Variants in RPH3A observed in about 807,000 individuals in gnomAD.
RPH3A encodes the protein rabphilin-3A.
A neutral mutation model predicts 102.2 loss-of-function variants in RPH3A; 48 were observed. That is an observed-to-expected ratio of 0.47 (90% confidence interval 0.37 to 0.60). The LOEUF is 0.60. Ranked by LOEUF, RPH3A falls within the 20% of genes least tolerant of loss-of-function variation. The probability of loss-of-function intolerance (pLI) is 0.00; values close to 1 mark genes in which losing one functional copy is unlikely to be tolerated. For synonymous variants in RPH3A, 310 were observed against 324.3 expected (o/e 0.96, Z 0.47); for missense variants, 781 against 910.1 (o/e 0.86, Z 1.83).
At chr12:112,758,698 T>C (rs1293949661) in intron 1 of RPH3A, among the ~76,000 whole-genome samples, 2 of 152,242 alleles carry the variant, frequency 1.3e-5, no homozygotes, top group Non-Finnish European at 2.9e-5. Flanking sequence ...AACCTAGTTC[T>C]GCTGAGCTCC....
chr12:112,735,758 C>G (rs116404815), intron 1 of RPH3A, among the ~76,000 whole-genome samples: 18 of 152,150 alleles, frequency 1.2e-4, no homozygotes, highest in East Asian at 1.9e-4. Flanking sequence ...CCACCTCCCC[C>G]CAAGCCTTTC....
chr12:112,766,134 A>AGC lies in RPH3A; in HGVS notation c.-139-26008_-139-26007dup, dbSNP rs2040887039. ...AGAGGCAGATCATCTAGAAGATGAGAGCCCAAAGTTGGACTCAGATTGCCT... is the reference window on the plus strand; with the variant it reads ...AGAGGCAGATCATCTAGAAGATGAGAGCGCCCAAAGTTGGACTCAGATTGCCT... On this transcript the variant is annotated intron_variant, in intron 1 of 21. Transcript: ENST00000543106. 3.9e-5 allele frequency among the ~76,000 whole-genome samples: 6 copies of AGC among 152,292 alleles called. No individual in the cohort carries two copies. In the South Asian group the frequency reaches 1.2e-3, roughly 32 times the overall value.
chr12:112,706,674 A>T (rs1385010839), intron 1 of RPH3A, among the ~76,000 whole-genome samples: 1 of 152,210 alleles, frequency 6.6e-6, no homozygotes, highest in African/African-American at 2.4e-5. Context: ...CTCACTCAAG[A>T]TTCTTGTTTG....
intron 1 of RPH3A, among the ~76,000 whole-genome samples, chr12:112,637,187 T>A (rs910951785): frequency 1.3e-5 from 2 of 152,186 alleles, no homozygotes; most frequent in African/African-American, 4.8e-5. Flanking sequence ...ATATGTTTAC[T>A]GCTTATGTGA....
Position 112,641,584 on chromosome 12 carries a change from A to G in RPH3A, c.-140+66265A>G, listed in dbSNP as rs528084393. 9.9e-5 allele frequency among the ~76,000 whole-genome samples: 15 copies of G among 152,234 alleles called. No homozygotes were observed. In the East Asian group the frequency reaches 2.9e-3, roughly 29 times the overall value. ...GCTAATTTTTGTATTTTTAGTAGAG[A>G]CAGGGTTTCATCATGTTGGTCAGGT... On this transcript the variant is annotated intron_variant, in intron 1 of 21. Transcript: ENST00000543106.
intron 1 of RPH3A, among the ~76,000 whole-genome samples, chr12:112,679,949 G>A (rs1201526437): frequency 6.6e-6 from 1 of 152,248 alleles, no homozygotes; most frequent in Non-Finnish European, 1.5e-5. Flanking sequence ...CTTTGGACAG[G>A]GCTGTCAGGG....
intron 1 of RPH3A, among the ~76,000 whole-genome samples, chr12:112,656,583 C>T (rs575215593): frequency 7.9e-5 from 12 of 152,288 alleles, no homozygotes; most frequent in African/African-American, 2.9e-4. Flanking sequence ...ACTCTTCCCC[C>T]TTTTGGAGTC....
At chr12:112,577,128 G>A (rs1288327106) in intron 1 of RPH3A, among the ~76,000 whole-genome samples, 1 of 152,026 alleles carries the variant, frequency 6.6e-6, no homozygotes, top group South Asian at 2.1e-4. Flanking sequence ...AAAAAAATTC[G>A]GGGCGAGTAC....
intron 1 of RPH3A, among the ~76,000 whole-genome samples, chr12:112,771,230 A>G (rs555580155): frequency 6.6e-6 from 1 of 152,338 alleles, no homozygotes; most frequent in African/African-American, 2.4e-5. Context: ...TAAATTTTTT[A>G]ATTATGGAAA....
chr12:112,663,107 C>CGAGA (rs113192025), intron 1 of RPH3A, among the ~76,000 whole-genome samples: 4 of 129,788 alleles, frequency 3.1e-5, no homozygotes, highest in African/African-American at 1.3e-4. Context: ...AGAGAGAGAG[C>CGAGA]GAGAGAGAGA....
intron 18 of RPH3A, 82 bp downstream of exon 18, chr12:112,890,162 G>T (rs2043069265): frequency 2.4e-6 from 3 of 1,265,106 alleles, no homozygotes; most frequent in Non-Finnish European, 3.4e-6. Flanking sequence ...TCCCTCCCTG[G>T]CCCCTTCCTC....
At chr12:112,662,063 A>C (rs1257948338) in intron 1 of RPH3A, among the ~76,000 whole-genome samples, 1 of 152,138 alleles carries the variant, frequency 6.6e-6, no homozygotes, top group African/African-American at 2.4e-5. Context: ...GGGAGGACAA[A>C]ATGCTGAAAG....
chr12:112,755,189 C>A (rs2040813787), intron 1 of RPH3A, among the ~76,000 whole-genome samples: 1 of 152,038 alleles, frequency 6.6e-6, no homozygotes, highest in Non-Finnish European at 1.5e-5. Flanking sequence ...ACCTTTTATT[C>A]ATCTAGTTCT....
At chr12:112,710,995 G>A (rs2040457110) in intron 1 of RPH3A, among the ~76,000 whole-genome samples, 1 of 152,048 alleles carries the variant, frequency 6.6e-6, no homozygotes, top group Non-Finnish European at 1.5e-5. Flanking sequence ...AGCTTAGAAT[G>A]TTATCTCCAG....
At chr12:112,628,789 AG>A (rs1194669488) in intron 1 of RPH3A, among the ~76,000 whole-genome samples, 1 of 151,860 alleles carries the variant, frequency 6.6e-6, no homozygotes, top group Non-Finnish European at 1.5e-5. Flanking sequence ...GAGGTTTTAG[AG>A]AAGAGGAGCG....
At chr12:112,781,398 G>A (rs1381726964) in intron 1 of RPH3A, among the ~76,000 whole-genome samples, 3 of 152,056 alleles carry the variant, frequency 2.0e-5, no homozygotes, top group East Asian at 1.9e-4. Flanking sequence ...ACGTGGCTGC[G>A]ACTTTAGAAC....
rs1334628770 is a variant in RPH3A at position 112,890,984 on chromosome 12, T to A, written c.1756T>A (p.Ser586Thr). 2 of 1,614,024 alleles carry A rather than the reference T, an allele frequency of 1.2e-6. No homozygotes were observed. Among genetic ancestry groups the A allele is most frequent in the Non-Finnish European group, 1.7e-6 (2 of 1,180,018 alleles). Residue 586 changes from serine (S) to threonine (T), a missense_variant, in exon 19 of 22, where the codon TCA becomes ACA. Coordinates refer to ENST00000389385, the MANE Select transcript of RPH3A (RefSeq NM_001143854.2). ...GGCTGCCATGGACGCTAATGGCTAC[T>A]CAGACCCATTCGTCAAGCTGTAAGT... ...HLAAMDANGYSDPFVKLWLKP... is the reference protein window; with the variant it reads ...HLAAMDANGYTDPFVKLWLKP...
chr12:112,646,390 A>G (rs1173327739), intron 1 of RPH3A, among the ~76,000 whole-genome samples: 4 of 152,102 alleles, frequency 2.6e-5, no homozygotes, highest in East Asian at 1.9e-4. Flanking sequence ...ATGTCCCCCC[A>G]TGGAAGAGGC....
At chr12:112,858,376 A>T (rs553063691) in intron 5 of RPH3A, among the ~76,000 whole-genome samples, 2 of 150,610 alleles carry the variant, frequency 1.3e-5, no homozygotes, top group East Asian at 3.9e-4. Flanking sequence ...ATGCAGTCCC[A>T]TCAGTCTTCA....
Sources: gnomAD v4.1 joint callset for allele counts (sites outside exome capture counted in the v4.1 genomes callset) on GRCh38, gnomAD v4.1.1 for gene constraint, MANE v1.5 for transcripts, NCBI Gene and HGNC (gene_info 2026-07-23, HGNC 2026-07-21) for gene names.